TMEM178A: variants seen among roughly 807,000 people sequenced by gnomAD.
The protein encoded by TMEM178A is transmembrane protein 178A.
A neutral mutation model predicts 29.1 loss-of-function variants in TMEM178A; 12 were observed. The ratio of observed to expected loss-of-function variants is 0.41; its 90% CI spans 0.26 to 0.67. TMEM178A has a LOEUF of 0.67. Among genes scored for constraint, TMEM178A ranks in the 30% least tolerant of loss-of-function variants. TMEM178A has a pLI of 0.29. For missense variants in TMEM178A, 366 were observed against 419.1 expected (o/e 0.87, Z 1.11); for synonymous variants, 210 against 187.2 (o/e 1.12, Z -0.99).
chr2:39,669,921 T>C (rs1670340113), intron 1 of TMEM178A, among the ~76,000 whole-genome samples: 1 of 152,220 alleles, frequency 6.6e-6, no homozygotes, highest in Non-Finnish European at 1.5e-5. Flanking sequence ...CAAGGTAATG[T>C]TAGAAGATTT....
At chr2:39,714,276 C>T (rs1016042493) in intron 3 of TMEM178A, among the ~76,000 whole-genome samples, 5 of 152,084 alleles carry the variant, frequency 3.3e-5, no homozygotes, top group Non-Finnish European at 1.5e-5. Context: ...GGCCTCCTCT[C>T]CACCACGCTC....
chr2:39,708,501 C>T (rs1171495481), intron 3 of TMEM178A, among the ~76,000 whole-genome samples: 1 of 139,232 alleles, frequency 7.2e-6, no homozygotes, highest in Non-Finnish European at 1.5e-5. Context: ...TCACTGCAAG[C>T]TCCGCCTCCC....
chr2:39,666,116 G>T lies in TMEM178A; in HGVS notation c.142G>T (p.Ala48Ser). ...CAAGGAGAGCTGCGAGCGCAGCCGC[G>T]CGGGCGCCGACCCCCCGGACCAGAA... ...RHKESCERSR[A>S]GADPPDQKNR... Residue 48 changes from alanine to serine, a missense_variant, in exon 1 of 4, where the codon GCG (alanine) becomes TCG (serine). By Grantham distance (99) the Ala-to-Ser change is moderately conservative. This residue lies in a region of TMEM178A where 247 missense variants were observed against 246.8 expected (regional missense o/e 1.00). Transcript: ENST00000281961. 1.9e-6 allele frequency: 3 copies of T among 1,553,984 alleles called. No homozygotes were observed. Among genetic ancestry groups the T allele is most frequent in the Non-Finnish European group, 2.6e-6 (3 of 1,155,444 alleles).
the TMEM178A span, among the ~76,000 whole-genome samples, chr2:39,733,798 ATT>A: frequency 3.3e-5 from 5 of 152,116 alleles, no homozygotes; most frequent in Non-Finnish European, 7.4e-5. Flanking sequence ...TTAGGAGCAT[ATT>A]TATCATACTA....
chr2:39,714,821 C>T (rs1183442388), intron 3 of TMEM178A, among the ~76,000 whole-genome samples: 1 of 152,050 alleles, frequency 6.6e-6, no homozygotes, highest in Non-Finnish European at 1.5e-5. Flanking sequence ...AGTGTAAAAT[C>T]AGAGGGAGTA....
chr2:39,665,665 C>T, upstream of TMEM178A: 1 of 265,214 alleles, frequency 3.8e-6, no homozygotes, highest in Non-Finnish European at 6.7e-6. Flanking sequence ...GAGAGGAGTG[C>T]GCGGGGTGGG....
At chr2:39,667,894 A>C (rs926812024) in intron 1 of TMEM178A, among the ~76,000 whole-genome samples, 5 of 152,228 alleles carry the variant, frequency 3.3e-5, no homozygotes, top group African/African-American at 1.2e-4. Context: ...ACAAACTGTA[A>C]AAGCTGAATG....
intron 1 of TMEM178A, among the ~76,000 whole-genome samples, chr2:39,670,504 A>T (rs957215452): frequency 2.6e-5 from 4 of 152,232 alleles, no homozygotes; most frequent in African/African-American, 9.6e-5. Flanking sequence ...ATACTTTGGG[A>T]TGGCTGATAG....
chr2:39,733,217 C>G, the TMEM178A span, among the ~76,000 whole-genome samples: 1 of 152,212 alleles, frequency 6.6e-6, no homozygotes, highest in Non-Finnish European at 1.5e-5. Context: ...TCTGCTCCCA[C>G]TTATAATCTG....
At chr2:39,722,073 A>G (rs1242832899), downstream of TMEM178A, among the ~76,000 whole-genome samples, 1 of 150,172 alleles carries the variant, frequency 6.7e-6, no homozygotes, top group Non-Finnish European at 1.5e-5. Flanking sequence ...CCACTAGAGG[A>G]GAAGAACCCA....
intron 3 of TMEM178A, among the ~76,000 whole-genome samples, chr2:39,716,110 G>A (rs1029623705): frequency 7.9e-5 from 12 of 152,178 alleles, no homozygotes; most frequent in African/African-American, 2.9e-4. Flanking sequence ...GAACAGAACT[G>A]GACATTCTGA....
intron 1 of TMEM178A, among the ~76,000 whole-genome samples, chr2:39,672,589 G>A (rs1245379443): frequency 6.6e-6 from 1 of 152,056 alleles, no homozygotes; most frequent in East Asian, 1.9e-4. Flanking sequence ...TGAGTGGCAC[G>A]ATCATAGCTC....
chr2:39,685,545 T>A (rs1671041932), intron 1 of TMEM178A, among the ~76,000 whole-genome samples: 1 of 152,170 alleles, frequency 6.6e-6, no homozygotes, highest in South Asian at 2.1e-4. Flanking sequence ...AGGATTGAAC[T>A]GAGTGAAAAT....
At chr2:39,675,735 T>C (rs894318476) in intron 1 of TMEM178A, among the ~76,000 whole-genome samples, 1 of 152,180 alleles carries the variant, frequency 6.6e-6, no homozygotes, top group East Asian at 1.9e-4. Context: ...TGGTCAGGTA[T>C]TCATCCATAC....
intron 1 of TMEM178A, among the ~76,000 whole-genome samples, chr2:39,673,786 C>G (rs941525038): frequency 3.3e-5 from 5 of 152,166 alleles, no homozygotes; most frequent in Non-Finnish European, 7.3e-5. Context: ...GGGCTTGGAT[C>G]TCTTTTGTCT....
the TMEM178A span, among the ~76,000 whole-genome samples, chr2:39,725,079 C>T: frequency 2.0e-5 from 3 of 152,016 alleles, no homozygotes; most frequent in Non-Finnish European, 4.4e-5. Context: ...AATAAAGTAA[C>T]AGTTTAAAGA....
At chr2:39,682,410 T>C (rs1558447682) in intron 1 of TMEM178A, among the ~76,000 whole-genome samples, 1 of 152,164 alleles carries the variant, frequency 6.6e-6, no homozygotes, top group Non-Finnish European at 1.5e-5. Context: ...TGTGCTTGTT[T>C]TGATTTTTTA....
chr2:39,725,051 TAAAC>T, the TMEM178A span, among the ~76,000 whole-genome samples: 3 of 152,298 alleles, frequency 2.0e-5, no homozygotes, highest in Admixed American at 1.3e-4. Flanking sequence ...AACCAGTTCT[TAAAC>T]AAAGAATTCT....
chr2:39,713,478 G>A (rs1465805385), intron 3 of TMEM178A, among the ~76,000 whole-genome samples: 2 of 152,142 alleles, frequency 1.3e-5, no homozygotes, highest in Admixed American at 6.5e-5. Flanking sequence ...GGGTCTTTAA[G>A]TTAAAATGAG....
Sources: allele counts gnomAD v4.1 joint callset (sites outside exome capture counted in the v4.1 genomes callset), GRCh38; gene constraint gnomAD v4.1.1; regional missense constraint gnomAD v4.1.1; transcripts MANE v1.5; gene names NCBI Gene and HGNC (gene_info 2026-07-23, HGNC 2026-07-21).